TRAPPC9: variants seen among roughly 807,000 people sequenced by gnomAD.
TRAPPC9 encodes the protein trafficking protein particle complex subunit 9.
A neutral mutation model predicts 124.0 loss-of-function variants in TRAPPC9; 83 were observed. The ratio of observed to expected loss-of-function variants is 0.67; its 90% CI spans 0.56 to 0.80. The LOEUF (loss-of-function observed/expected upper bound fraction) is 0.80. Ranked by LOEUF, TRAPPC9 falls within the 30% of genes least tolerant of loss-of-function variation. TRAPPC9 has a pLI of 0.00. For missense variants in TRAPPC9, 1,302 were observed against 1,508.3 expected, an observed-to-expected ratio of 0.86 and a Z score of 2.27; for synonymous variants, 638 against 617.5, an observed-to-expected ratio of 1.03 and a Z score of -0.49.
At chr8:140,301,882 A>G (rs1280087427) in intron 10 of TRAPPC9, among the ~76,000 whole-genome samples, 1 of 152,202 alleles carries the variant, frequency 6.6e-6, no homozygotes, top group Non-Finnish European at 1.5e-5. Context: ...CACCAGACAG[A>G]TGCGGCCTGG....
At chr8:140,432,074 CA>C (rs1329971998) in intron 4 of TRAPPC9, among the ~76,000 whole-genome samples, 1 of 152,076 alleles carries the variant, frequency 6.6e-6, no homozygotes. Flanking sequence ...ACAACAACAA[CA>C]GCAAAATTCA....
intron 17 of TRAPPC9, among the ~76,000 whole-genome samples, chr8:140,203,189 G>A (rs10088351): frequency 0.81 from 123,743 of 152,212 alleles, 50,628 homozygotes; most frequent in African/African-American, 0.89. Flanking sequence ...AATAGCACTA[G>A]TTGAACAAAG....
chr8:139,922,876 C>T (rs1479431159), intron 19 of TRAPPC9, among the ~76,000 whole-genome samples: 1 of 152,194 alleles, frequency 6.6e-6, no homozygotes, highest in African/African-American at 2.4e-5. Flanking sequence ...GAATGAGGAA[C>T]CTCTCTGGCC....
rs573176377 is a variant in TRAPPC9 at position 140,044,202 on chromosome 8, G to A, written c.2557-20123C>T. Among the ~76,000 whole-genome samples, 23 of 148,650 alleles carry A rather than the reference G, an allele frequency of 1.5e-4. No individual in the cohort carries two copies. In the South Asian group the frequency reaches 4.9e-3, roughly 31 times the overall value. On this transcript the variant is annotated intron_variant, in intron 17 of 22. Coordinates refer to ENST00000438773, the MANE Select transcript of TRAPPC9 (RefSeq NM_001160372.4). ...AAAAAGCCACACCCCTCAACTACTG[G>A]ACAAACATTCACTGGGTGCCCCCCT...
intron 21 of TRAPPC9, among the ~76,000 whole-genome samples, chr8:139,880,502 C>A (rs1829613223): frequency 6.6e-6 from 1 of 152,132 alleles, no homozygotes; most frequent in South Asian, 2.1e-4. Context: ...AGGACTTGAC[C>A]CAACCCAGAC....
At position 139,785,377 on chromosome 8, in the gene TRAPPC9, G is replaced by A. The variant is rs1242269868; in HGVS notation, c.3056-53175C>T. ...TTTTGAGTTAGGCCAAGATTTCTTA[G>A]ATACGACACCAAAAGCACATGCCTT... On this transcript the variant is annotated intron_variant, in intron 21 of 22. Coordinates refer to ENST00000438773, the MANE Select transcript of TRAPPC9 (RefSeq NM_001160372.4). Among the ~76,000 whole-genome samples, 3 of 152,204 alleles carry A rather than the reference G, an allele frequency of 2.0e-5. No homozygotes were observed. In the South Asian group the frequency reaches 6.2e-4, roughly 32 times the overall value.
In TRAPPC9 at chr8:139,743,191, G is replaced by A. The variant is rs1016393244; in HGVS notation, c.3056-10989C>T. Among the ~76,000 whole-genome samples the A allele has an allele frequency of 2.3e-4, 35 of 152,218 alleles. 1 individual carries two copies. In the South Asian group the frequency reaches 6.4e-3, roughly 28 times the overall value. ...TGTGGATTTCTTGTCCAACTGGCTC[G>A]TCCAACAATCTGTTCACTTGTCCTT... On this transcript the variant is annotated intron_variant, in intron 21 of 22. Coordinates refer to ENST00000438773, the MANE Select transcript of TRAPPC9 (RefSeq NM_001160372.4).
chr8:140,019,584 G>A (rs779689101), intron 18 of TRAPPC9, among the ~76,000 whole-genome samples: 44 of 106,664 alleles, frequency 4.1e-4, no homozygotes, highest in Non-Finnish European at 6.5e-4. Flanking sequence ...ACAGAATCTC[G>A]CTGTGTCACC....
At chr8:140,048,037 G>C (rs1308695315) in intron 17 of TRAPPC9, among the ~76,000 whole-genome samples, 1 of 152,256 alleles carries the variant, frequency 6.6e-6, no homozygotes. Context: ...AAATGGCCCA[G>C]CAGAAGCTGG....
At chr8:140,142,303 A>T (rs967629093) in intron 17 of TRAPPC9, among the ~76,000 whole-genome samples, 2 of 152,260 alleles carry the variant, frequency 1.3e-5, no homozygotes, top group Non-Finnish European at 2.9e-5. Flanking sequence ...TTAGAGGCAC[A>T]CAATAGACAA....
chr8:140,358,337 C>T (rs1161992134), intron 9 of TRAPPC9, among the ~76,000 whole-genome samples: 1 of 152,192 alleles, frequency 6.6e-6, no homozygotes, highest in Admixed American at 6.5e-5. Flanking sequence ...TCCTTAGTAG[C>T]TGGGATTACA....
intron 17 of TRAPPC9, among the ~76,000 whole-genome samples, chr8:140,117,650 CG>C (rs1410498060): frequency 6.6e-6 from 1 of 152,172 alleles, no homozygotes; most frequent in East Asian, 1.9e-4. Context: ...TAAATCTCAA[CG>C]TGAGTTTTGG....
intron 18 of TRAPPC9, among the ~76,000 whole-genome samples, chr8:140,000,926 T>C (rs1320373607): frequency 6.6e-6 from 1 of 152,192 alleles, no homozygotes; most frequent in Non-Finnish European, 1.5e-5. Context: ...TAAAGACACA[T>C]GCACACGTAT....
chr8:140,165,506 G>A (rs1404421428), intron 17 of TRAPPC9, among the ~76,000 whole-genome samples: 3 of 149,762 alleles, frequency 2.0e-5, no homozygotes, highest in East Asian at 2.0e-4. Context: ...GCCACTGCAC[G>A]CCAGCCTGGG....
intron 21 of TRAPPC9, among the ~76,000 whole-genome samples, chr8:139,793,652 C>G (rs978721312): frequency 1.3e-5 from 2 of 152,180 alleles, no homozygotes; most frequent in African/African-American, 4.8e-5. Context: ...GGAGACACAG[C>G]TTCCCTGAGG....
intron 17 of TRAPPC9, among the ~76,000 whole-genome samples, chr8:140,138,911 T>G (rs1230752713): frequency 1.3e-5 from 2 of 152,060 alleles, no homozygotes; most frequent in African/African-American, 2.4e-5. Context: ...GTGACCCAGG[T>G]GTGCAGTCTG....
intron 17 of TRAPPC9, among the ~76,000 whole-genome samples, chr8:140,069,214 C>T (rs1228281397): frequency 6.6e-6 from 1 of 152,218 alleles, no homozygotes; most frequent in African/African-American, 2.4e-5. Context: ...TTGAATGTTG[C>T]TATTCTCTCA....
At chr8:140,333,061 G>A (rs2066935971) in intron 9 of TRAPPC9, among the ~76,000 whole-genome samples, 1 of 151,820 alleles carries the variant, frequency 6.6e-6, no homozygotes, top group Admixed American at 6.6e-5. Context: ...GGGAGGCAGA[G>A]GTTGCAGTGA....
chr8:140,125,136 T>C (rs1422284005), intron 17 of TRAPPC9, among the ~76,000 whole-genome samples: 1 of 152,136 alleles, frequency 6.6e-6, no homozygotes, highest in East Asian at 1.9e-4. Flanking sequence ...TAGCAGGAGC[T>C]GGGCCGATGG....
Sources: gnomAD v4.1 joint callset for allele counts (sites outside exome capture counted in the v4.1 genomes callset) on GRCh38, gnomAD v4.1.1 for gene constraint, MANE v1.5 for transcripts, NCBI Gene and HGNC (gene_info 2026-07-23, HGNC 2026-07-21) for gene names.